Variants in SGCD observed in about 807,000 individuals in gnomAD.
SGCD encodes the protein sarcoglycan delta, also known as delta-sarcoglycan.
SGCD carries 18 observed loss-of-function variants against 36.6 expected under a neutral mutation model. The ratio of observed to expected loss-of-function variants is 0.49; its 90% CI spans 0.34 to 0.73. SGCD has a LOEUF of 0.73. Among genes scored for constraint, SGCD ranks in the 30% least tolerant of loss-of-function variants. The probability of loss-of-function intolerance (pLI) is 0.01; values close to 1 mark genes in which losing one functional copy is unlikely to be tolerated. For synonymous variants in SGCD, 133 were observed against 130.6 expected, an observed-to-expected ratio of 1.02 and a Z score of -0.12; for missense variants, 387 against 346.7, an observed-to-expected ratio of 1.12 and a Z score of -0.92.
At chr5:156,715,250 A>G (rs1755166513) in intron 7 of SGCD, among the ~76,000 whole-genome samples, 2 of 152,204 alleles carry the variant, frequency 1.3e-5, no homozygotes, top group African/African-American at 4.8e-5. Flanking sequence ...CAATGCAATT[A>G]TTATGAATTG....
At position 156,765,960 on chromosome 5, in the gene SGCD, A is replaced by G. The variant is rs1757579971; in HGVS notation, c.*6570A>G. ...TAGATACCTAAGGGGAAAATATAGA[A>G]AGCCTGCCTGAATAATAGAATCTAG... On this transcript the variant is annotated 3_prime_UTR_variant, in exon 9 of 9. Coordinates refer to ENST00000337851, the MANE Select transcript of SGCD (RefSeq NM_000337.6). 6.6e-6 allele frequency: 1 copy of G among 152,054 alleles called. No homozygotes were observed. The highest frequency in any genetic ancestry group is 6.6e-5 in the Admixed American group (1 of 15,264). 9.4% of individuals were successfully genotyped at this position (152,054 alleles called of 1,614,324 possible).
rs1296001268 is a variant in SGCD, at chr5:156,063,571, G to C, written c.-281-54307G>C. Among the ~76,000 whole-genome samples, 5 of 110,154 alleles carry C rather than the reference G, an allele frequency of 4.5e-5. 1 individual carries two copies. The highest frequency in any genetic ancestry group is 9.2e-5 in the Non-Finnish European group (5 of 54,480). The allele number at this position is 110,154 out of a possible 152,430, so 72.3% of individuals were successfully genotyped here. On this transcript the variant is annotated intron_variant, in intron 1 of 9. Transcript: ENST00000517913. Reference sequence around the variant, plus strand: ...TTGATTCTTCCTACCCATGAGCATGGAATGTTCTTCCATTTGTTTGTCTCC... The same window carrying C: ...TTGATTCTTCCTACCCATGAGCATGCAATGTTCTTCCATTTGTTTGTCTCC...
Position 156,535,639 on chromosome 5 carries a change from C to T in SGCD, c.294+26937C>T, listed in dbSNP as rs10463129. ...GAGAGTGCTTTCCAGTTGAAGACAA[C>T]ATCATAGAGACTGCCATGTTAATGT... On this transcript the variant is annotated intron_variant, in intron 4 of 8. Coordinates refer to ENST00000337851, the MANE Select transcript of SGCD (RefSeq NM_000337.6). 0.012 allele frequency among the ~76,000 whole-genome samples: 1,895 copies of T among 152,234 alleles called. 92 individuals are homozygous for T. The East Asian group carries it at 0.17, about 14-fold the overall frequency.
chr5:156,105,210 CAAA>C (rs765183295), intron 1 of SGCD, among the ~76,000 whole-genome samples: 20 of 152,028 alleles, frequency 1.3e-4, no homozygotes, highest in Non-Finnish European at 2.2e-4. Flanking sequence ...GTGTTTTAAA[CAAA>C]GAAGGAAGAA....
the SGCD span, among the ~76,000 whole-genome samples, chr5:155,756,607 A>T: frequency 6.6e-6 from 1 of 152,238 alleles, no homozygotes; most frequent in African/African-American, 2.4e-5. Flanking sequence ...TCCCTAGCAC[A>T]TAGTGAACCA....
intron 3 of SGCD, among the ~76,000 whole-genome samples, chr5:156,139,228 T>G (rs1228484845): frequency 6.6e-6 from 1 of 152,250 alleles, no homozygotes; most frequent in African/African-American, 2.4e-5. Flanking sequence ...TCTGCTTTTT[T>G]TGTTCTACCT....
At chr5:156,250,870 A>T (rs1765559361) in intron 3 of SGCD, among the ~76,000 whole-genome samples, 1 of 152,012 alleles carries the variant, frequency 6.6e-6, no homozygotes. Flanking sequence ...TAGGGAAAGT[A>T]ATGGTAATAA....
intron 3 of SGCD, among the ~76,000 whole-genome samples, chr5:156,448,529 C>T (rs1272808167): frequency 1.3e-5 from 2 of 152,020 alleles, no homozygotes; most frequent in African/African-American, 4.8e-5. Flanking sequence ...GGTTCAGAAG[C>T]ATAAGCTGGA....
chr5:155,920,490 G>C (rs150239262), intron 1 of SGCD, among the ~76,000 whole-genome samples: 1 of 152,260 alleles, frequency 6.6e-6, no homozygotes, highest in East Asian at 1.9e-4. Context: ...GGAGTTGAAT[G>C]TGGAAGATTT....
intron 7 of SGCD, among the ~76,000 whole-genome samples, chr5:156,705,986 C>G (rs1244029402): frequency 6.6e-6 from 1 of 152,054 alleles, no homozygotes; most frequent in African/African-American, 2.4e-5. Context: ...TAATCATATT[C>G]AATTTTGTAA....
chr5:156,672,378 A>G (rs955306380), intron 7 of SGCD, among the ~76,000 whole-genome samples: 23 of 152,174 alleles, frequency 1.5e-4, no homozygotes, highest in African/African-American at 4.8e-4. Flanking sequence ...CATAGTGAAG[A>G]AACAGTCTCT....
intron 1 of SGCD, among the ~76,000 whole-genome samples, chr5:155,986,288 C>T (rs1215249888): frequency 6.6e-6 from 1 of 152,132 alleles, no homozygotes; most frequent in Non-Finnish European, 1.5e-5. Flanking sequence ...TCTTATGCTC[C>T]TGAACATTTT....
intron 1 of SGCD, among the ~76,000 whole-genome samples, chr5:155,971,684 T>C (rs943410038): frequency 1.3e-5 from 2 of 152,144 alleles, no homozygotes; most frequent in Non-Finnish European, 2.9e-5. Context: ...GAAGATATAC[T>C]GATATAATAT....
chr5:156,116,412 C>T (rs1206203087), intron 1 of SGCD, among the ~76,000 whole-genome samples: 2 of 152,024 alleles, frequency 1.3e-5, no homozygotes, highest in Non-Finnish European at 2.9e-5. Flanking sequence ...ATTGACATCC[C>T]CATGCCTATT....
intron 4 of SGCD, among the ~76,000 whole-genome samples, chr5:156,565,938 A>T (rs757247549): frequency 6.6e-6 from 1 of 152,130 alleles, no homozygotes; most frequent in Non-Finnish European, 1.5e-5. Flanking sequence ...TTCTTTATCC[A>T]GTCTACCACT....
rs148680175 is a variant in SGCD at position 156,203,775 on chromosome 5, G to A, written c.-44+79756G>A. On this transcript the variant is annotated intron_variant, in intron 3 of 9. Coordinates refer to the SGCD transcript ENST00000517913. ...TGTCCAATATTACAGTTAATTAGCGGCAGTGGAGAAAACAGGACCCAGATA... is the reference window on the plus strand; with the variant it reads ...TGTCCAATATTACAGTTAATTAGCGACAGTGGAGAAAACAGGACCCAGATA... Among the ~76,000 whole-genome samples, 331 of 152,190 alleles carry A rather than the reference G, an allele frequency of 2.2e-3. 2 individuals are homozygous for A. Among genetic ancestry groups the A allele is most frequent in the African/African-American group, 7.1e-3 (293 of 41,556 alleles).
rs1321592136 is a variant in SGCD at position 156,400,882 on chromosome 5, C to T, written c.192+56205C>T. Among the ~76,000 whole-genome samples, 7 of 152,268 alleles carry T rather than the reference C, an allele frequency of 4.6e-5. No homozygotes were observed. The East Asian group carries it at 9.6e-4, about 21-fold the overall frequency. The stretch of plus-strand genomic sequence containing the variant: ...CTCCAAAAGGCAATATATAGAGTTG[C>T]ATTAGAATGAAGAACTGCATTTGGC... On this transcript the variant is annotated intron_variant, in intron 3 of 8. Coordinates refer to ENST00000337851, the MANE Select transcript of SGCD (RefSeq NM_000337.6).
At chr5:156,269,085 G>A (rs924081214) in intron 3 of SGCD, among the ~76,000 whole-genome samples, 1 of 152,228 alleles carries the variant, frequency 6.6e-6, no homozygotes, top group South Asian at 2.1e-4. Flanking sequence ...GGAGGCCTCA[G>A]CATCATGTCG....
chr5:156,188,669 C>CA (rs1349847493), intron 3 of SGCD, among the ~76,000 whole-genome samples: 9 of 62,064 alleles, frequency 1.5e-4, no homozygotes, highest in African/African-American at 9.8e-4. Context: ...ACCCCAACCG[C>CA]CCCCCCCGAC....
Sources: gnomAD v4.1 joint callset for allele counts (sites outside exome capture counted in the v4.1 genomes callset) on GRCh38, gnomAD v4.1.1 for gene constraint, MANE v1.5 for transcripts, NCBI Gene and HGNC (gene_info 2026-07-23, HGNC 2026-07-21) for gene names.